RBL1: variants seen among roughly 807,000 people sequenced by gnomAD.
The protein encoded by RBL1 is RB transcriptional corepressor like 1.
A neutral mutation model predicts 123.0 loss-of-function variants in RBL1; 82 were observed. That is an observed-to-expected ratio of 0.67 (90% CI 0.56 to 0.80). The LOEUF (loss-of-function observed/expected upper bound fraction) is 0.80. RBL1 is among the 30% of genes least tolerant of loss of function. The pLI is 0.00. For synonymous variants in RBL1, 405 were observed against 441.3 expected (o/e 0.92, Z 1.03); for missense variants, 1,171 against 1,299.6 (o/e 0.90, Z 1.52).
intron 11 of RBL1, among the ~76,000 whole-genome samples, chr20:37,054,841 A>T (rs996177486): frequency 1.3e-5 from 2 of 152,086 alleles, no homozygotes; most frequent in African/African-American, 2.4e-5. Flanking sequence ...AAAAAAAAAA[A>T]TTTACTTCTT....
intron 17 of RBL1, 134 bp downstream of exon 17, chr20:37,022,516 G>C: frequency 1.4e-6 from 1 of 729,384 alleles, no homozygotes; most frequent in Middle Eastern, 3.9e-4. Context: ...TTATAGAGAT[G>C]AGGTTTCACC....
intron 17 of RBL1, 51 bp from the exon 18 acceptor site, chr20:37,020,781 G>A (rs1433905010): frequency 2.4e-6 from 3 of 1,266,144 alleles, no homozygotes. Context: ...AAGAAAAATG[G>A]CTCTGAACAA....
chr20:37,027,013 C>CA (rs1241447067), intron 16 of RBL1, among the ~76,000 whole-genome samples: 1,670 of 140,152 alleles, frequency 0.012, 31 homozygotes, highest in African/African-American at 0.039. Context: ...AAAAAAACAA[C>CA]AAAAAAAAAC....
At chr20:37,079,216 A>C (rs1246986930) in intron 2 of RBL1, among the ~76,000 whole-genome samples, 1 of 151,834 alleles carries the variant, frequency 6.6e-6, no homozygotes, top group Non-Finnish European at 1.5e-5. Context: ...AAAAAAAAAA[A>C]AAAAACCCTC....
chr20:37,001,560 C>T (rs2063980831), intron 21 of RBL1, among the ~76,000 whole-genome samples: 1 of 151,642 alleles, frequency 6.6e-6, no homozygotes, highest in Non-Finnish European at 1.5e-5. Flanking sequence ...TGCTTGAAGG[C>T]AGCATGCTCG....
chr20:37,071,891 G>C (rs1254331087), intron 2 of RBL1, among the ~76,000 whole-genome samples: 5 of 152,090 alleles, frequency 3.3e-5, no homozygotes, highest in Non-Finnish European at 5.9e-5. Context: ...ACTTCCTGAG[G>C]CCCTCACCAG....
chr20:37,015,512 G>T (rs1364363821), intron 19 of RBL1, among the ~76,000 whole-genome samples: 1 of 150,460 alleles, frequency 6.6e-6, no homozygotes, highest in Non-Finnish European at 1.5e-5. Context: ...CTCACTGCAA[G>T]CTCCACCTCC....
chr20:37,091,991 C>A lies in RBL1; in HGVS notation c.157-2869G>T, dbSNP rs115765692. On this transcript the variant is annotated intron_variant, in intron 1 of 21. Coordinates refer to ENST00000373664, the MANE Select transcript of RBL1 (RefSeq NM_002895.5). ...GTCATGGTGGCTTACGCATGTAATT[C>A]CAGCACTTTGGGAAGCTGATGTGGG... 8.3e-3 allele frequency among the ~76,000 whole-genome samples: 1,261 copies of A among 152,202 alleles called. 19 individuals carry two copies. Among genetic ancestry groups the A allele is most frequent in the African/African-American group, 0.029 (1,199 of 41,540 alleles).
chr20:37,035,458 T>A lies in RBL1; in HGVS notation c.1954A>T (p.Thr652Ser). ...ISVHERYSSP[T>S]AGSAKRRLFG... is the part of the protein sequence containing the mutation. ...AGTCTTCTCTTAGCACTCCCTGCGG[T>A]AGGAGAACTGTAGCGTTCATGGACA... The change falls in exon 15 of 22, where the codon ACC (threonine) becomes TCC (serine). Residue 652 changes from threonine (T) to serine (S), a missense_variant. Coordinates refer to ENST00000373664, the MANE Select transcript of RBL1 (RefSeq NM_002895.5). 1 of 1,613,320 alleles carries A rather than the reference T, an allele frequency of 6.2e-7. No homozygotes were observed. Among genetic ancestry groups the A allele is most frequent in the Non-Finnish European group, 8.5e-7 (1 of 1,179,484 alleles).
At chr20:37,018,638 C>T (rs2064293330) in intron 18 of RBL1, among the ~76,000 whole-genome samples, 1 of 152,124 alleles carries the variant, frequency 6.6e-6, no homozygotes, top group African/African-American at 2.4e-5. Flanking sequence ...TCAGGTTTTA[C>T]TAAATGAAAG....
rs534084200 is a variant in RBL1 at position 36,996,899 on chromosome 20, G to C, written c.*1860C>G. On this transcript the variant is annotated 3_prime_UTR_variant, in exon 22 of 22. Coordinates refer to ENST00000373664, the MANE Select transcript of RBL1 (RefSeq NM_002895.5). ...TGTGTAGATACTACACAAAGAATGA[G>C]GATGTAATTTTCATTTACAAGCAAA... is the stretch of plus-strand genomic sequence containing the variant. 3 of 152,068 alleles carry C rather than the reference G, an allele frequency of 2.0e-5. No homozygotes were observed. Among genetic ancestry groups the C allele is most frequent in the Non-Finnish European group, 4.4e-5 (3 of 67,960 alleles). 9.4% of individuals were successfully genotyped at this position (152,068 alleles called of 1,614,324 possible). A position where few individuals can be genotyped will look rare whatever the true frequency, so the allele number is the denominator to read the frequency against.
chr20:37,065,753 A>C (rs1320360428), intron 6 of RBL1, among the ~76,000 whole-genome samples: 2 of 151,770 alleles, frequency 1.3e-5, no homozygotes, highest in African/African-American at 4.8e-5. Context: ...AGCTGGGACT[A>C]CAGTTGTGCA....
intron 11 of RBL1, among the ~76,000 whole-genome samples, chr20:37,054,732 A>G (rs2064975569): frequency 6.6e-6 from 1 of 150,786 alleles, no homozygotes; most frequent in Admixed American, 6.6e-5. Context: ...CAAGAGGCTG[A>G]GGCATAAGAA....
intron 9 of RBL1, among the ~76,000 whole-genome samples, chr20:37,058,148 A>AAAAAAAAAAAC (rs2065043107): frequency 6.7e-6 from 1 of 150,314 alleles, no homozygotes; most frequent in Non-Finnish European, 1.5e-5. Context: ...AACAAAAAAA[A>AAAAAAAAAAAC]AAAAGCCTAT....
At position 37,010,758 on chromosome 20, in the gene RBL1, CTATG is replaced by C. The variant is rs1555848002; in HGVS notation, c.2723-3203_2723-3200del. Among the ~76,000 whole-genome samples, 441 of 143,546 alleles carry C rather than the reference CTATG, an allele frequency of 3.1e-3. 2 individuals are homozygous for C. Among genetic ancestry groups the C allele is most frequent in the African/African-American group, 0.011 (403 of 35,162 alleles). The allele number at this position is 143,546 out of a possible 152,430, so 94.2% of individuals were successfully genotyped here. Reference sequence around the variant, plus strand: ...TCAAACATCATTATATGGCACATGACTATGTGTGTGTGTGTGTGTGTGTGTGTGT... The same window carrying C: ...TCAAACATCATTATATGGCACATGACTGTGTGTGTGTGTGTGTGTGTGTGT... On this transcript the variant is annotated intron_variant, in intron 19 of 21. Transcript: ENST00000373664.
chr20:37,003,745 G>A lies in RBL1; in HGVS notation c.2993C>T (p.Pro998Leu). 6.2e-7 allele frequency: 1 copy of A among 1,613,790 alleles called. No individual in the cohort carries two copies. The highest frequency in any genetic ancestry group is 8.5e-7 in the Non-Finnish European group (1 of 1,179,868). The stretch of plus-strand genomic sequence containing the variant: ...GAACTTGTACAGCAGAGCGCTTCTT[G>A]GTGTAAGGCCTGACCCATTCTTGTG... ...SPHKNGSGLT[P>L]RSALLYKFNG... is the part of the protein sequence containing the mutation. The change falls in exon 21 of 22, where the codon CCA becomes CTA. Residue 998 changes from proline (P) to leucine (L), a missense_variant. Transcript: ENST00000373664.
At chr20:37,094,545 C>CTTGGCA (rs533067994) in intron 1 of RBL1, among the ~76,000 whole-genome samples, 1,672 of 152,282 alleles carry the variant, frequency 0.011, 13 homozygotes, top group Non-Finnish European at 0.016. Context: ...GTCCAGCGCC[C>CTTGGCA]TTGGCACATG....
rs375573052 is a variant in RBL1 at position 37,067,020 on chromosome 20, G to A, written c.658C>T (p.Gln220Ter). 222 of 1,608,842 alleles carry A rather than the reference G, an allele frequency of 1.4e-4. No individual in the cohort carries two copies. The highest frequency in any genetic ancestry group is 1.8e-4 in the Non-Finnish European group (212 of 1,176,418). The change falls in exon 5 of 22, where the codon CAA becomes TAA. Residue 220 changes from glutamine (Q) to a stop codon, truncating the protein, a stop_gained. Coordinates refer to ENST00000373664, the MANE Select transcript of RBL1 (RefSeq NM_002895.5). LOFTEE classifies it high-confidence loss of function. Reference protein sequence around the residue: ...FANAIMCPNRQDLLNPSFKGL... With the variant: ...FANAIMCPNR Reference sequence around the variant, plus strand: ...TTAAATGATGGATTTAGCAAGTCTTGTCTATTTGGGCACATAATCGCATTG... The same window carrying A: ...TTAAATGATGGATTTAGCAAGTCTTATCTATTTGGGCACATAATCGCATTG...
chr20:37,004,714 C>CAAA (rs11361452), intron 20 of RBL1, among the ~76,000 whole-genome samples: 7 of 72,486 alleles, frequency 9.7e-5, no homozygotes, highest in Non-Finnish European at 9.9e-5. Context: ...GACTCTGCCT[C>CAAA]AAAAAAAAAA....
Sources: allele counts gnomAD v4.1 joint callset (sites outside exome capture counted in the v4.1 genomes callset), GRCh38; gene constraint gnomAD v4.1.1; transcripts MANE v1.5; gene names NCBI Gene and HGNC (gene_info 2026-07-23, HGNC 2026-07-21).